The following TTC9 variants were observed in gnomAD, a reference collection of about 807,000 sequenced individuals.
The protein encoded by TTC9 is tetratricopeptide repeat protein 9A.
Under a neutral mutation model 22.9 loss-of-function variants are expected in TTC9, and 13 were observed. The observed-to-expected ratio is 0.57, with a 90% CI of 0.37 to 0.90. The LOEUF (loss-of-function observed/expected upper bound fraction) is 0.90. Among genes scored for constraint, TTC9 ranks in the 40% least tolerant of loss-of-function variants. TTC9 has a pLI of 0.01. For missense variants in TTC9, 280 were observed against 291.8 expected, an observed-to-expected ratio of 0.96 and a Z score of 0.29; for synonymous variants, 148 against 133.2, an observed-to-expected ratio of 1.11 and a Z score of -0.77.
intron 1 of TTC9, among the ~76,000 whole-genome samples, chr14:70,649,446 T>C (rs528513214): frequency 6.6e-6 from 1 of 152,192 alleles, no homozygotes; most frequent in Non-Finnish European, 1.5e-5. Flanking sequence ...AACTTATGTA[T>C]ATATAATTTC....
At chr14:70,648,466 A>G (rs1566695309) in intron 1 of TTC9, among the ~76,000 whole-genome samples, 1 of 152,244 alleles carries the variant, frequency 6.6e-6, no homozygotes, top group Non-Finnish European at 1.5e-5. Context: ...TTGAAATCAG[A>G]GTCCCTACAG....
chr14:70,663,081 A>G (rs1159437365), intron 1 of TTC9, among the ~76,000 whole-genome samples: 1 of 152,050 alleles, frequency 6.6e-6, no homozygotes, highest in African/African-American at 2.4e-5. Flanking sequence ...TCATCATCCA[A>G]ATCCACTCTT....
intron 2 of TTC9, among the ~76,000 whole-genome samples, chr14:70,668,712 G>T (rs1566702568): frequency 6.6e-6 from 1 of 151,956 alleles, no homozygotes; most frequent in Non-Finnish European, 1.5e-5. Context: ...TTAGCTGGGT[G>T]TGGTGGTGGA....
At chr14:70,648,982 G>A (rs538905168) in intron 1 of TTC9, among the ~76,000 whole-genome samples, 9 of 152,308 alleles carry the variant, frequency 5.9e-5, no homozygotes, top group Non-Finnish European at 1.2e-4. Flanking sequence ...CAGCAAAAGT[G>A]TGAAGTGGTA....
intron 1 of TTC9, among the ~76,000 whole-genome samples, chr14:70,659,386 A>G (rs985175209): frequency 1.3e-5 from 2 of 152,202 alleles, no homozygotes; most frequent in Non-Finnish European, 2.9e-5. Context: ...TTGGGGGGTT[A>G]GTTTTGCAAG....
chr14:70,664,466 C>A (rs192808446), intron 1 of TTC9, among the ~76,000 whole-genome samples: 180 of 152,254 alleles, frequency 1.2e-3, no homozygotes, highest in Admixed American at 3.6e-3. Context: ...TGGCTCACTC[C>A]TGTAATCCCA....
chr14:70,652,263 C>G (rs1885995673), intron 1 of TTC9, among the ~76,000 whole-genome samples: 1 of 152,186 alleles, frequency 6.6e-6, no homozygotes, highest in Admixed American at 6.5e-5. Flanking sequence ...TATGTGCTGA[C>G]AGTAAGTATT....
rs1178704614 is a variant in TTC9 at position 70,674,751 on chromosome 14, C to T, written c.*3596C>T. 6.6e-6 allele frequency: 1 copy of T among 152,170 alleles called. No homozygotes were observed. Among genetic ancestry groups the T allele is most frequent in the East Asian group, 1.9e-4 (1 of 5,202 alleles). The allele number at this position is 152,170 out of a possible 1,614,324, so 9.4% of individuals were successfully genotyped here. ...TTCCTTCACTTAATAATATCACGAA[C>T]ATTTTCGGCATATCAAACTTTCTCA... On this transcript the variant is annotated 3_prime_UTR_variant, in exon 3 of 3. Transcript: ENST00000256367.
At chr14:70,646,291 T>C (rs1360995442) in intron 1 of TTC9, among the ~76,000 whole-genome samples, 1 of 152,210 alleles carries the variant, frequency 6.6e-6, no homozygotes, top group Admixed American at 6.5e-5. Flanking sequence ...AAAGATATCC[T>C]GACCTTCCTG....
Position 70,656,210 on chromosome 14 carries a change from TACACACAC to T in TTC9, c.407-11324_407-11317del, listed in dbSNP as rs34334641. On this transcript the variant is annotated intron_variant, in intron 1 of 2. Coordinates refer to ENST00000256367, the MANE Select transcript of TTC9 (RefSeq NM_015351.2). Reference sequence around the variant, plus strand: ...AAGAAAAAATAATTCTTCACCCTGATACACACACACACACACACACACACACACACACA... The same window carrying T: ...AAGAAAAAATAATTCTTCACCCTGATACACACACACACACACACACACACA... Among the ~76,000 whole-genome samples the T allele has an allele frequency of 5.3e-3, 787 of 148,016 alleles. 4 individuals are homozygous for T. Among genetic ancestry groups the T allele is most frequent in the African/African-American group, 5.4e-3 (212 of 39,542 alleles).
chr14:70,648,184 G>A (rs185306559), intron 1 of TTC9, among the ~76,000 whole-genome samples: 29 of 152,348 alleles, frequency 1.9e-4, no homozygotes, highest in Non-Finnish European at 3.2e-4. Flanking sequence ...GGGAGAGCTT[G>A]ACTGGCTAAG....
chr14:70,650,876 G>A (rs187024161), intron 1 of TTC9, among the ~76,000 whole-genome samples: 1 of 152,276 alleles, frequency 6.6e-6, no homozygotes, highest in East Asian at 1.9e-4. Context: ...CTAGTACAGT[G>A]TTCGCATTCA....
intron 1 of TTC9, among the ~76,000 whole-genome samples, chr14:70,658,847 A>G (rs1886102243): frequency 6.6e-6 from 1 of 152,214 alleles, no homozygotes; most frequent in Non-Finnish European, 1.5e-5. Context: ...ACTGTAGTAC[A>G]TCCATACCAT....
chr14:70,667,507 A>C, intron 1 of TTC9, 57 bp from the exon 2 acceptor site: 1 of 1,595,440 alleles, frequency 6.3e-7, no homozygotes, highest in Admixed American at 1.7e-5. Context: ...ACTCAAGGGA[A>C]ACATGCAGAG....
rs555697473 is a variant in TTC9, at chr14:70,646,085, G to A, written c.406+3550G>A. ...ACTTGAGGGGACGCATGAAGGGTGTGCAGGCAATTTGCAAAGGGCACCAGG... is the reference window on the plus strand; with the variant it reads ...ACTTGAGGGGACGCATGAAGGGTGTACAGGCAATTTGCAAAGGGCACCAGG... On this transcript the variant is annotated intron_variant, in intron 1 of 2. Transcript: ENST00000256367. 3.9e-5 allele frequency among the ~76,000 whole-genome samples: 6 copies of A among 152,320 alleles called. No homozygotes were observed. The East Asian group carries it at 7.7e-4, about 20-fold the overall frequency.
chr14:70,645,734 C>T lies in TTC9; in HGVS notation c.406+3199C>T, dbSNP rs72719795. On this transcript the variant is annotated intron_variant, in intron 1 of 2. Transcript: ENST00000256367. ...ACTGACCCTTCGACCAGGTCTGCAG[C>T]ACCAGCTGAGTAGCCCAACAAGCTC... is the stretch of plus-strand genomic sequence containing the variant. Among the ~76,000 whole-genome samples, 768 of 152,308 alleles carry T rather than the reference C, an allele frequency of 5.0e-3. 3 individuals carry two copies. The highest frequency in any genetic ancestry group is 8.4e-3 in the Non-Finnish European group (573 of 68,026).
intron 1 of TTC9, among the ~76,000 whole-genome samples, chr14:70,652,849 T>C (rs1280218115): frequency 1.3e-5 from 2 of 152,220 alleles, no homozygotes; most frequent in African/African-American, 2.4e-5. Flanking sequence ...TGGACTCTGA[T>C]GCCTATACAG....
At chr14:70,660,570 C>T (rs1181078310) in intron 1 of TTC9, among the ~76,000 whole-genome samples, 1 of 152,172 alleles carries the variant, frequency 6.6e-6, no homozygotes, top group African/African-American at 2.4e-5. Context: ...AAGCGTTCCC[C>T]CAAAGTTCCT....
chr14:70,655,406 C>CAAAAAAAAAAAA (rs34595586), intron 1 of TTC9, among the ~76,000 whole-genome samples: 1 of 132,216 alleles, frequency 7.6e-6, no homozygotes. Context: ...TCTCAAGAAA[C>CAAAAAAAAAAAA]AAAAAAAAAA....
Sources: gnomAD v4.1 joint callset for allele counts (sites outside exome capture counted in the v4.1 genomes callset) on GRCh38, gnomAD v4.1.1 for gene constraint, MANE v1.5 for transcripts, NCBI Gene and HGNC (gene_info 2026-07-23, HGNC 2026-07-21) for gene names.